Variants in ASTN2 observed in about 807,000 individuals in gnomAD.
ASTN2 encodes the protein astrotactin 2.
In ASTN2, 54 loss-of-function variants were observed where a neutral mutation model predicts 139.8. That is an observed-to-expected ratio of 0.39 (90% CI 0.31 to 0.48). ASTN2 has a LOEUF of 0.48. ASTN2 is among the 20% of genes least tolerant of loss of function. ASTN2 has a pLI of 0.95. For synonymous variants in ASTN2, 756 were observed against 719.5 expected (o/e 1.05, Z -0.81); for missense variants, 1,565 against 1,725.1 (o/e 0.91, Z 1.64).
intron 3 of ASTN2, among the ~76,000 whole-genome samples, chr9:117,178,037 A>C (rs1256275151): frequency 2.0e-5 from 3 of 150,422 alleles, no homozygotes; most frequent in Non-Finnish European, 4.4e-5. Flanking sequence ...TTTCTTACCC[A>C]CTCCATCCTA....
chr9:117,315,354 C>T (rs1411260576), intron 1 of ASTN2, among the ~76,000 whole-genome samples: 8 of 152,196 alleles, frequency 5.3e-5, no homozygotes, highest in South Asian at 4.1e-4. Flanking sequence ...GCACTGCCTG[C>T]GCACTCAGCT....
intron 10 of ASTN2, among the ~76,000 whole-genome samples, chr9:116,918,394 G>A (rs1834511913): frequency 6.6e-6 from 1 of 152,094 alleles, no homozygotes; most frequent in Non-Finnish European, 1.5e-5. Flanking sequence ...TTGAGGCTGG[G>A]GGATGGAGTC....
At chr9:116,628,216 T>C (rs1340191857) in intron 17 of ASTN2, among the ~76,000 whole-genome samples, 12 of 152,138 alleles carry the variant, frequency 7.9e-5, no homozygotes, top group Admixed American at 7.2e-4. Context: ...TATAGTTCAA[T>C]GTAATAGAAG....
intron 1 of ASTN2, among the ~76,000 whole-genome samples, chr9:117,373,807 C>T (rs16934591): frequency 0.03 from 4,563 of 152,174 alleles, 221 homozygotes; most frequent in African/African-American, 0.1. Context: ...GAAGTATCTA[C>T]GACAGAAAGC....
chr9:116,490,255 A>ATGTATGT (rs1849469465), intron 19 of ASTN2, among the ~76,000 whole-genome samples: 1 of 138,172 alleles, frequency 7.2e-6, no homozygotes, highest in Admixed American at 7.7e-5. Context: ...TTCCAGAGCA[A>ATGTATGT]TGTATGTGAT....
At chr9:117,398,594 T>C (rs887426500) in intron 1 of ASTN2, among the ~76,000 whole-genome samples, 1 of 152,172 alleles carries the variant, frequency 6.6e-6, no homozygotes, top group Admixed American at 6.5e-5. Flanking sequence ...CTTGGACAAA[T>C]CTCTTCCCCT....
At chr9:117,152,971 T>C (rs368051150) in intron 3 of ASTN2, among the ~76,000 whole-genome samples, 2 of 152,270 alleles carry the variant, frequency 1.3e-5, no homozygotes, top group South Asian at 2.1e-4. Context: ...CCTCATAATG[T>C]CCATGGTACA....
At chr9:117,390,011 C>G (rs996894422) in intron 1 of ASTN2, among the ~76,000 whole-genome samples, 1 of 152,120 alleles carries the variant, frequency 6.6e-6, no homozygotes, top group African/African-American at 2.4e-5. Flanking sequence ...CCAGGCCAAG[C>G]CTTGACAGCA....
At chr9:116,438,479 G>A (rs955200709) in intron 22 of ASTN2, among the ~76,000 whole-genome samples, 2 of 152,140 alleles carry the variant, frequency 1.3e-5, no homozygotes, top group African/African-American at 4.8e-5. Flanking sequence ...TTCTTCAGTG[G>A]CTCCAAACAC....
chr9:116,700,807 T>C (rs1265045711), intron 16 of ASTN2: 1 of 166,956 alleles, frequency 6.0e-6, no homozygotes, highest in Non-Finnish European at 1.5e-5. Flanking sequence ...ATAAGAGGGA[T>C]AACCTGCGCT....
chr9:117,310,822 C>T lies in ASTN2; in HGVS notation c.443-19309G>A, dbSNP rs907248154. 3.3e-5 allele frequency among the ~76,000 whole-genome samples: 5 copies of T among 152,132 alleles called. No homozygotes were observed. The East Asian group carries it at 9.6e-4, about 29-fold the overall frequency. On this transcript the variant is annotated intron_variant, in intron 1 of 22. Coordinates refer to ENST00000313400, the MANE Select transcript of ASTN2 (RefSeq NM_001365068.1). The stretch of plus-strand genomic sequence containing the variant: ...TATTTTTTGTAGTGATGGAGTCTCA[C>T]TATGTTGCCTAGGCTGGTCTTGAAT...
In ASTN2 at chr9:116,463,908, G is replaced by GTTTTTTT. The variant is rs71502069; in HGVS notation, c.3498-21362_3498-21356dup. Among the ~76,000 whole-genome samples, 178 of 115,868 alleles carry GTTTTTTT rather than the reference G, an allele frequency of 1.5e-3. 2 individuals are homozygous for GTTTTTTT. Among genetic ancestry groups the GTTTTTTT allele is most frequent in the Non-Finnish European group, 2.2e-3 (127 of 56,554 alleles). 76.0% of individuals were successfully genotyped at this position (115,868 alleles called of 152,430 possible). A position where few individuals can be genotyped will look rare whatever the true frequency, so the allele number is the denominator to read the frequency against. On this transcript the variant is annotated intron_variant, in intron 20 of 22. Transcript: ENST00000313400. ...CATGCCACCATGAACAGAGTTTTGT[G>GTTTTTTT]TTTTTTTTTTTTTTTTTTTGAGAGA...
intron 5 of ASTN2, among the ~76,000 whole-genome samples, chr9:117,087,949 C>G (rs1361115150): frequency 6.6e-6 from 1 of 152,192 alleles, no homozygotes; most frequent in Non-Finnish European, 1.5e-5. Flanking sequence ...AAGAAGAGTA[C>G]AAAGAATGCC....
chr9:117,022,440 G>C (rs1246486544), intron 6 of ASTN2, among the ~76,000 whole-genome samples: 1 of 123,370 alleles, frequency 8.1e-6, no homozygotes. Context: ...AGTATCCCAG[G>C]GCAAAAAAAA....
chr9:116,929,019 T>C (rs1225809825), intron 10 of ASTN2, among the ~76,000 whole-genome samples: 1 of 152,240 alleles, frequency 6.6e-6, no homozygotes, highest in Non-Finnish European at 1.5e-5. Context: ...CCTGCATTTC[T>C]GGCATTCCTC....
intron 3 of ASTN2, chr9:117,181,036 A>T (rs1831051840): frequency 1.9e-6 from 3 of 1,549,434 alleles, no homozygotes; most frequent in African/African-American, 1.4e-5. Flanking sequence ...GGGTAGCGCA[A>T]GGTCAGAAAC....
At chr9:117,010,512 T>C (rs1837489775) in intron 6 of ASTN2, among the ~76,000 whole-genome samples, 1 of 151,984 alleles carries the variant, frequency 6.6e-6, no homozygotes, top group Non-Finnish European at 1.5e-5. Context: ...AAGGTAAGAG[T>C]TCATATCCTC....
At chr9:117,229,005 A>AAAAAC (rs71268506) in intron 2 of ASTN2, among the ~76,000 whole-genome samples, 53,128 of 150,592 alleles carry the variant, frequency 0.35, 10,063 homozygotes, top group Middle Eastern at 0.46. Context: ...CTCCATTTCA[A>AAAAAC]AAAACAAAAC....
At position 116,998,846 on chromosome 9, in the gene ASTN2, C is replaced by G. The variant is rs567408301; in HGVS notation, c.1591+9246G>C. On this transcript the variant is annotated intron_variant, in intron 7 of 22. Transcript: ENST00000313400. ...ATAGAAAGCCCTAAAGATACCACTT[C>G]CTTCAAAACAGGGAATTTCTCCATC... Among the ~76,000 whole-genome samples, 102 of 152,242 alleles carry G rather than the reference C, an allele frequency of 6.7e-4. 1 individual carries two copies. The highest frequency in any genetic ancestry group is 2.2e-3 in the African/African-American group (93 of 41,548).
Sources: allele counts gnomAD v4.1 joint callset (sites outside exome capture counted in the v4.1 genomes callset), GRCh38; gene constraint gnomAD v4.1.1; transcripts MANE v1.5; gene names NCBI Gene and HGNC (gene_info 2026-07-23, HGNC 2026-07-21).